HK2: variants seen among roughly 807,000 people sequenced by gnomAD.
HK2 encodes hexokinase-2.
In HK2, 42 loss-of-function variants were observed where a neutral mutation model predicts 92.9. That is an observed-to-expected ratio of 0.45 (90% confidence interval 0.35 to 0.58). HK2 has a LOEUF of 0.58. Among genes scored for constraint, HK2 ranks in the 20% least tolerant of loss-of-function variants. The pLI, the probability that HK2 is intolerant of heterozygous loss-of-function variation, is 0.00. For synonymous variants in HK2, 422 were observed against 468.0 expected (o/e 0.90, Z 1.27); for missense variants, 978 against 1,245.1 (o/e 0.79, Z 3.23).
At chr2:74,853,323 C>A (rs6722578) in intron 1 of HK2, among the ~76,000 whole-genome samples, 24,731 of 151,898 alleles carry the variant, frequency 0.16, 4,486 homozygotes, top group African/African-American at 0.45. Context: ...TTGAGACCAG[C>A]CTAGACAACA....
rs1258383180 is a variant in HK2 at position 74,892,174 on chromosome 2, T to A, written c.*1233T>A. 3 of 152,392 alleles carry A rather than the reference T, an allele frequency of 2.0e-5. No homozygotes were observed. The highest frequency in any genetic ancestry group is 4.4e-5 in the Non-Finnish European group (3 of 68,044). The allele number at this position is 152,392 out of a possible 1,614,324, so 9.4% of individuals were successfully genotyped here. A position where few individuals can be genotyped will look rare whatever the true frequency, so the allele number is the denominator to read the frequency against. ...TTCAAATGGACTCATGGCTTAGAAA[T>A]CTTTATTCTTAGGGCAGTCAGTAGT... On this transcript the variant is annotated 3_prime_UTR_variant, in exon 18 of 18. Transcript: ENST00000290573.
intron 7 of HK2, among the ~76,000 whole-genome samples, chr2:74,875,862 G>A (rs1016476563): frequency 1.3e-5 from 2 of 152,120 alleles, no homozygotes; most frequent in African/African-American, 4.8e-5. Flanking sequence ...AGACAAATTT[G>A]CCAGCCAGAC....
chr2:74,859,547 G>A lies in HK2; in HGVS notation c.226+5092G>A, dbSNP rs138945447. Among the ~76,000 whole-genome samples, 519 of 152,206 alleles carry A rather than the reference G, an allele frequency of 3.4e-3. 1 individual carries two copies. Among genetic ancestry groups the A allele is most frequent in the Middle Eastern group, 0.014 (4 of 294 alleles). Reference sequence around the variant, plus strand: ...TAAAAATACAAAAAATTAGCCAGGCGTGGTGGCAGGCGGCTGAAGCAGGAA... The same window carrying A: ...TAAAAATACAAAAAATTAGCCAGGCATGGTGGCAGGCGGCTGAAGCAGGAA... On this transcript the variant is annotated intron_variant, in intron 2 of 17. Transcript: ENST00000290573.
chr2:74,890,769 T>C (rs780076879), intron 17 of HK2, 28 bp from the exon 18 acceptor site: 1 of 1,614,078 alleles, frequency 6.2e-7, no homozygotes, highest in East Asian at 2.2e-5. Flanking sequence ...AGATGGTTTT[T>C]CCTGTGTCTT....
intron 1 of HK2, among the ~76,000 whole-genome samples, chr2:74,842,674 G>C (rs1688341182): frequency 6.6e-6 from 1 of 152,156 alleles, no homozygotes; most frequent in Non-Finnish European, 1.5e-5. Flanking sequence ...TGAAGCCAGG[G>C]AAGAAGGATG....
intron 1 of HK2, among the ~76,000 whole-genome samples, chr2:74,849,496 C>T (rs549341826): frequency 3.3e-5 from 5 of 152,288 alleles, no homozygotes; most frequent in Admixed American, 3.3e-4. Flanking sequence ...CCTCCGATTC[C>T]CCAGCCTGGA....
At chr2:74,853,020 A>G (rs1054362529) in intron 1 of HK2, among the ~76,000 whole-genome samples, 11 of 152,182 alleles carry the variant, frequency 7.2e-5, no homozygotes, top group Non-Finnish European at 4.4e-5. Context: ...TCTTAGAATA[A>G]CAGGGAGGCC....
chr2:74,878,411 CTCTG>C (rs745504872), intron 8 of HK2, among the ~76,000 whole-genome samples: 15 of 109,260 alleles, frequency 1.4e-4, no homozygotes, highest in African/African-American at 5.5e-4. Context: ...CTCCGTGTGT[CTCTG>C]TGTGTGTGTG....
intron 2 of HK2, among the ~76,000 whole-genome samples, chr2:74,857,241 G>A (rs1203298982): frequency 2.6e-5 from 4 of 152,188 alleles, no homozygotes; most frequent in South Asian, 2.1e-4. Flanking sequence ...AAGTAAAGAG[G>A]TTGGACCTAG....
At chr2:74,859,559 G>A (rs1042059935) in intron 2 of HK2, among the ~76,000 whole-genome samples, 1 of 152,082 alleles carries the variant, frequency 6.6e-6, no homozygotes, top group Non-Finnish European at 1.5e-5. Context: ...GGTGGCAGGC[G>A]GCTGAAGCAG....
At chr2:74,842,977 T>A (rs902223191) in intron 1 of HK2, among the ~76,000 whole-genome samples, 3 of 152,254 alleles carry the variant, frequency 2.0e-5, no homozygotes, top group Non-Finnish European at 4.4e-5. Context: ...TTGTGGAGGC[T>A]GCTTACTTGG....
chr2:74,874,538 A>G, intron 7 of HK2, 89 bp downstream of exon 7: 4 of 1,291,232 alleles, frequency 3.1e-6, no homozygotes, highest in Non-Finnish European at 4.3e-6. Context: ...GTTTCTTTAC[A>G]GTCTTACATC....
intron 1 of HK2, among the ~76,000 whole-genome samples, chr2:74,853,853 G>T (rs1228038428): frequency 1.3e-5 from 2 of 152,168 alleles, no homozygotes; most frequent in Non-Finnish European, 2.9e-5. Context: ...GGTAAAAGCG[G>T]AACTGGGGAT....
chr2:74,890,065 A>G (rs28363062), intron 17 of HK2, among the ~76,000 whole-genome samples: 5,637 of 152,156 alleles, frequency 0.037, 338 homozygotes, highest in African/African-American at 0.13. Flanking sequence ...CTGGAGCAAG[A>G]TTTTTTTTCA....
intron 15 of HK2, among the ~76,000 whole-genome samples, chr2:74,887,164 C>T (rs971967680): frequency 6.6e-6 from 1 of 152,232 alleles, no homozygotes; most frequent in African/African-American, 2.4e-5. Context: ...AAGATGTTGT[C>T]TGTAGTGTTT....
chr2:74,879,252 T>C (rs1215955587), intron 9 of HK2, among the ~76,000 whole-genome samples: 10 of 152,192 alleles, frequency 6.6e-5, no homozygotes, highest in Admixed American at 6.5e-4. Flanking sequence ...GCAGGTGCTA[T>C]GTCCTCTGCC....
In HK2 at chr2:74,877,253, G is replaced by C; in HGVS notation, c.963G>C (p.Gly321=). ...VKMAKEELLF[G]GKLSPELLNT... ...TGGCCAAGGAGGAGCTGCTCTTTGG[G>C]GGGAAGCTCAGCCCAGAGCTTCTCA... Residue 321 remains glycine (G), a synonymous_variant, in exon 8 of 18, where the codon GGG becomes GGC. Transcript: ENST00000290573. 1 of 1,614,132 alleles carries C rather than the reference G, an allele frequency of 6.2e-7. No homozygotes were observed. Among genetic ancestry groups the C allele is most frequent in the South Asian group, 1.1e-5 (1 of 91,086 alleles).
intron 1 of HK2, among the ~76,000 whole-genome samples, chr2:74,847,353 G>A (rs568753220): frequency 9.9e-5 from 15 of 152,194 alleles, no homozygotes; most frequent in Admixed American, 2.6e-4. Flanking sequence ...TTTCTAGAAC[G>A]AGAGTCATCA....
At position 74,881,814 on chromosome 2, in the gene HK2, G is replaced by A. The variant is rs747631062; in HGVS notation, c.1674G>A (p.Lys558=). ...GKWGGVEMHN[K]IYAIPQEVMH... ...GGGGTGGAGTGGAGATGCACAACAA[G>A]ATCTACGCCATCCCGCAGGAGGTCA... The change falls in exon 11 of 18, where the codon AAG becomes AAA. Residue 558 remains lysine (K), a synonymous_variant. Coordinates refer to ENST00000290573, the MANE Select transcript of HK2 (RefSeq NM_000189.5). 1.9e-6 allele frequency: 3 copies of A among 1,614,192 alleles called. No individual in the cohort carries two copies. The highest frequency in any genetic ancestry group is 2.2e-5 in the East Asian group (1 of 44,872).
Sources: gnomAD v4.1 joint callset for allele counts (sites outside exome capture counted in the v4.1 genomes callset) on GRCh38, gnomAD v4.1.1 for gene constraint, MANE v1.5 for transcripts, NCBI Gene and HGNC (gene_info 2026-07-23, HGNC 2026-07-21) for gene names.